The following OLA1 variants were observed in gnomAD, a reference collection of about 807,000 sequenced individuals.
OLA1 encodes Obg like ATPase 1, also known as obg-like ATPase 1.
Under a neutral mutation model 48.4 loss-of-function variants are expected in OLA1, and 14 were observed. The ratio of observed to expected loss-of-function variants is 0.29; its 90% CI spans 0.19 to 0.45. The LOEUF is 0.45. Ranked by LOEUF, OLA1 falls within the 20% of genes least tolerant of loss-of-function variation. OLA1 has a pLI of 1.00. For missense variants in OLA1, 325 were observed against 467.1 expected (o/e 0.70, Z 2.80); for synonymous variants, 127 against 150.4 (o/e 0.84, Z 1.14).
At chr2:174,161,303 A>G (rs1687006214) in intron 4 of OLA1, among the ~76,000 whole-genome samples, 1 of 152,224 alleles carries the variant, frequency 6.6e-6, no homozygotes, top group South Asian at 2.1e-4. Context: ...TTATATGCCT[A>G]TAACTTATAT....
chr2:174,170,649 CACTTTTGGG>C (rs775667073), intron 4 of OLA1, among the ~76,000 whole-genome samples: 35 of 152,238 alleles, frequency 2.3e-4, no homozygotes, highest in Non-Finnish European at 3.4e-4. Flanking sequence ...GTAATCCCAA[CACTTTTGGG>C]AGGCTGAGAC....
At chr2:174,220,564 A>C (rs920015873) in intron 4 of OLA1, among the ~76,000 whole-genome samples, 1 of 152,208 alleles carries the variant, frequency 6.6e-6, no homozygotes, top group Non-Finnish European at 1.5e-5. Flanking sequence ...GTTTTTACTT[A>C]CCAATACATC....
intron 4 of OLA1, among the ~76,000 whole-genome samples, chr2:174,197,543 A>C (rs936852989): frequency 6.6e-6 from 1 of 152,150 alleles, no homozygotes; most frequent in African/African-American, 2.4e-5. Flanking sequence ...CCAGGGGGGA[A>C]AATTTTTGAT....
At chr2:174,204,518 T>C (rs1039837060) in intron 4 of OLA1, among the ~76,000 whole-genome samples, 2 of 152,120 alleles carry the variant, frequency 1.3e-5, no homozygotes, top group Non-Finnish European at 2.9e-5. Flanking sequence ...AATAAATACT[T>C]TGTAAGGAAA....
At position 174,223,080 on chromosome 2, in the gene OLA1, G is replaced by T. The variant is rs768339153; in HGVS notation, c.326C>A (p.Ala109Asp). 1.9e-6 allele frequency: 3 copies of T among 1,613,598 alleles called. No individual in the cohort carries two copies. Among genetic ancestry groups the T allele is most frequent in the East Asian group, 4.5e-5 (2 of 44,846 alleles). Residue 109 changes from alanine to aspartate, a missense_variant, in exon 4 of 11, where the codon GCT (alanine) becomes GAT (aspartate). Physicochemically the swap from Ala to Asp is moderately radical, Grantham distance 126. Coordinates refer to ENST00000284719, the MANE Select transcript of OLA1 (RefSeq NM_013341.5). ...GAHNGQGLGN[A>D]FLSHISACDG... ...ACAGGCACTAATATGAGATAAAAAA[G>T]CATTCCCCAGGCCCTGCCCATTGTG...
chr2:174,127,550 A>G (rs1686071439), intron 5 of OLA1, among the ~76,000 whole-genome samples: 2 of 152,174 alleles, frequency 1.3e-5, no homozygotes, highest in South Asian at 2.1e-4. Flanking sequence ...TTATTAACCT[A>G]TGATCCATAA....
intron 7 of OLA1, among the ~76,000 whole-genome samples, chr2:174,106,460 A>G (rs1447251897): frequency 6.6e-6 from 1 of 152,132 alleles, no homozygotes; most frequent in Non-Finnish European, 1.5e-5. Context: ...AAATAGATAA[A>G]TGAGTTTACC....
intron 7 of OLA1, 46 bp downstream of exon 7, chr2:174,123,134 G>A (rs751156048): frequency 2.3e-6 from 2 of 854,902 alleles, no homozygotes; most frequent in East Asian, 5.0e-5. Context: ...GTTTGTGTGT[G>A]TACAGAGATG....
chr2:174,161,683 C>A (rs201861993), intron 4 of OLA1, among the ~76,000 whole-genome samples: 1 of 15,518 alleles, frequency 6.4e-5, no homozygotes, highest in Non-Finnish European at 4.3e-4. Flanking sequence ...AAAAAAAATA[C>A]ACACACACAC....
chr2:174,214,622 A>T (rs1688319997), intron 4 of OLA1, among the ~76,000 whole-genome samples: 1 of 152,134 alleles, frequency 6.6e-6, no homozygotes, highest in South Asian at 2.1e-4. Context: ...TGGGTGGAAA[A>T]ATTTAACAAA....
chr2:174,104,653 T>C (rs1685474678), intron 7 of OLA1, among the ~76,000 whole-genome samples: 1 of 152,062 alleles, frequency 6.6e-6, no homozygotes, highest in South Asian at 2.1e-4. Flanking sequence ...TTTTTCCATG[T>C]TTTAAAATAA....
intron 4 of OLA1, among the ~76,000 whole-genome samples, chr2:174,216,941 T>C (rs977980659): frequency 2.0e-5 from 3 of 152,236 alleles, no homozygotes; most frequent in Non-Finnish European, 4.4e-5. Flanking sequence ...GTTAATAGTT[T>C]ATATTACTTG....
intron 2 of OLA1, among the ~76,000 whole-genome samples, chr2:174,230,359 T>C (rs893143910): frequency 6.6e-6 from 1 of 152,186 alleles, no homozygotes; most frequent in Non-Finnish European, 1.5e-5. Flanking sequence ...GTGTCTTTCC[T>C]ATAGAAACTG....
intron 7 of OLA1, among the ~76,000 whole-genome samples, chr2:174,117,778 C>T (rs1685818007): frequency 6.6e-6 from 1 of 152,162 alleles, no homozygotes; most frequent in Non-Finnish European, 1.5e-5. Flanking sequence ...ATCCTACAAA[C>T]TATCTTGAAC....
chr2:174,087,045 T>G (rs142397557), intron 7 of OLA1, among the ~76,000 whole-genome samples: 18,785 of 150,260 alleles, frequency 0.13, 1,346 homozygotes, highest in Non-Finnish European at 0.19. Flanking sequence ...TTTTTTTTTT[T>G]GAGACAAAGT....
chr2:174,210,789 C>T (rs1688222682), intron 4 of OLA1, among the ~76,000 whole-genome samples: 1 of 152,150 alleles, frequency 6.6e-6, no homozygotes, highest in Admixed American at 6.6e-5. Flanking sequence ...AGTGATTCTG[C>T]ACTGCATATA....
At chr2:174,150,721 C>A (rs1190216172) in intron 4 of OLA1, among the ~76,000 whole-genome samples, 4 of 152,134 alleles carry the variant, frequency 2.6e-5, no homozygotes, top group African/African-American at 9.7e-5. Flanking sequence ...ATATACCCAA[C>A]AATGTGCTAA....
At chr2:174,223,770 A>C (rs1274361922) in intron 3 of OLA1, among the ~76,000 whole-genome samples, 3 of 133,012 alleles carry the variant, frequency 2.3e-5, no homozygotes, top group Non-Finnish European at 5.0e-5. Context: ...ATAGACAAAA[A>C]AAAAAAAAAA....
intron 2 of OLA1, among the ~76,000 whole-genome samples, chr2:174,239,749 C>T (rs74559108): frequency 0.13 from 19,429 of 149,028 alleles, 1,767 homozygotes; most frequent in Non-Finnish European, 0.2. Context: ...TAAAAATTAG[C>T]CTGACATAAT....
Sources: gnomAD v4.1 joint callset for allele counts (sites outside exome capture counted in the v4.1 genomes callset) on GRCh38, gnomAD v4.1.1 for gene constraint, MANE v1.5 for transcripts, NCBI Gene and HGNC (gene_info 2026-07-23, HGNC 2026-07-21) for gene names.